NLGN1: variants seen among roughly 807,000 people sequenced by gnomAD.
The protein encoded by NLGN1 is neuroligin 1, also known as neuroligin-1.
NLGN1 carries 12 observed loss-of-function variants against 65.5 expected under a neutral mutation model. The observed-to-expected ratio is 0.18, with a 90% CI of 0.12 to 0.30. The LOEUF (loss-of-function observed/expected upper bound fraction) is 0.30, where lower values mean the gene tolerates loss of function less well. Ranked by LOEUF, NLGN1 falls within the 10% of genes least tolerant of loss-of-function variation. NLGN1 has a pLI of 1.00. For synonymous variants in NLGN1, 350 were observed against 359.5 expected (o/e 0.97, Z 0.30); for missense variants, 750 against 1,007.1 (o/e 0.74, Z 3.46).
the NLGN1 span, among the ~76,000 whole-genome samples, chr3:174,293,851 T>C: frequency 6.6e-6 from 1 of 151,656 alleles, no homozygotes; most frequent in Non-Finnish European, 1.5e-5. Flanking sequence ...TTTTACAATT[T>C]TTTTTGCTAA....
chr3:173,556,329 T>C (rs1346018397), intron 2 of NLGN1, among the ~76,000 whole-genome samples: 1 of 152,206 alleles, frequency 6.6e-6, no homozygotes, highest in Admixed American at 6.5e-5. Context: ...TTCTAACTTA[T>C]TGATTCTAGC....
At chr3:173,710,878 G>T (rs1452926943) in intron 3 of NLGN1, among the ~76,000 whole-genome samples, 1 of 152,182 alleles carries the variant, frequency 6.6e-6, no homozygotes, top group African/African-American at 2.4e-5. Flanking sequence ...ACAGATTTCT[G>T]TGGTGACCTG....
intron 2 of NLGN1, among the ~76,000 whole-genome samples, chr3:173,516,139 A>T (rs1293543606): frequency 6.6e-6 from 1 of 152,082 alleles, no homozygotes; most frequent in African/African-American, 2.4e-5. Context: ...GCTTCTAAAA[A>T]TATGCTGATG....
intron 2 of NLGN1, among the ~76,000 whole-genome samples, chr3:173,531,223 G>A (rs1221537053): frequency 2.6e-5 from 4 of 151,974 alleles, no homozygotes; most frequent in Non-Finnish European, 5.9e-5. Flanking sequence ...ATACTTTGAT[G>A]CCAAGAAAAT....
intron 4 of NLGN1, among the ~76,000 whole-genome samples, chr3:174,201,373 A>G (rs1045930812): frequency 8.3e-5 from 10 of 120,642 alleles, no homozygotes; most frequent in African/African-American, 4.0e-4. Context: ...GAAGGAAGGA[A>G]GGAAAGAAGG....
chr3:173,825,961 C>T (rs527537459), intron 4 of NLGN1, among the ~76,000 whole-genome samples: 1 of 151,870 alleles, frequency 6.6e-6, no homozygotes, highest in East Asian at 1.9e-4. Flanking sequence ...CAATTAAAAT[C>T]GTGGCTCATA....
At chr3:173,658,734 A>G (rs1560119310) in intron 3 of NLGN1, among the ~76,000 whole-genome samples, 1 of 151,950 alleles carries the variant, frequency 6.6e-6, no homozygotes, top group Non-Finnish European at 1.5e-5. Flanking sequence ...TCCTGTTTCA[A>G]GGGTATGTAG....
chr3:173,838,859 T>G (rs1412896153), intron 4 of NLGN1, among the ~76,000 whole-genome samples: 3 of 152,212 alleles, frequency 2.0e-5, no homozygotes, highest in Non-Finnish European at 2.9e-5. Context: ...AATAAAAATA[T>G]GATGAGCAAG....
chr3:173,729,960 G>T (rs1772499790), intron 3 of NLGN1, among the ~76,000 whole-genome samples: 1 of 151,882 alleles, frequency 6.6e-6, no homozygotes, highest in Non-Finnish European at 1.5e-5. Context: ...GAATAGGTCA[G>T]TGAGGCAGAA....
chr3:173,427,534 A>G (rs185777141), intron 1 of NLGN1, among the ~76,000 whole-genome samples: 157 of 151,920 alleles, frequency 1.0e-3, no homozygotes, highest in African/African-American at 1.0e-3. Flanking sequence ...GTTTCAAGGA[A>G]TTTCAAAATT....
intron 4 of NLGN1, among the ~76,000 whole-genome samples, chr3:173,952,950 T>C (rs1433965803): frequency 1.3e-5 from 2 of 152,044 alleles, no homozygotes; most frequent in Non-Finnish European, 2.9e-5. Context: ...GGCTAATTTT[T>C]GTATCTTTAG....
At chr3:173,997,024 A>G (rs1722409098) in intron 4 of NLGN1, among the ~76,000 whole-genome samples, 2 of 152,118 alleles carry the variant, frequency 1.3e-5, no homozygotes, top group Non-Finnish European at 2.9e-5. Context: ...GAGTAAATCA[A>G]TTTAGTGGGT....
At chr3:174,128,110 C>T (rs768012792) in intron 4 of NLGN1, among the ~76,000 whole-genome samples, 1 of 152,066 alleles carries the variant, frequency 6.6e-6, no homozygotes, top group Non-Finnish European at 1.5e-5. Context: ...GCTACGAAAC[C>T]TCCTAATTTT....
intron 4 of NLGN1, among the ~76,000 whole-genome samples, chr3:174,069,342 T>C (rs961241336): frequency 8.5e-5 from 13 of 152,152 alleles, no homozygotes; most frequent in African/African-American, 2.9e-4. Flanking sequence ...ATTACCAAAG[T>C]AGTGTTTTGG....
At chr3:173,416,247 A>C (rs1430823066) in intron 1 of NLGN1, among the ~76,000 whole-genome samples, 3 of 152,166 alleles carry the variant, frequency 2.0e-5, no homozygotes, top group Non-Finnish European at 4.4e-5. Flanking sequence ...AAACTGAATA[A>C]CCTCATGCAA....
intron 4 of NLGN1, among the ~76,000 whole-genome samples, chr3:174,058,620 C>T (rs1736700079): frequency 6.6e-6 from 1 of 151,948 alleles, no homozygotes; most frequent in Non-Finnish European, 1.5e-5. Flanking sequence ...GAATTTGTAT[C>T]ATAAATCAAT....
At chr3:173,454,479 G>A (rs894685254) in intron 2 of NLGN1, among the ~76,000 whole-genome samples, 2 of 152,208 alleles carry the variant, frequency 1.3e-5, no homozygotes, top group African/African-American at 4.8e-5. Flanking sequence ...CAGGCTTACT[G>A]TAGCCACCTT....
At chr3:173,490,858 T>C (rs868111403) in intron 2 of NLGN1, among the ~76,000 whole-genome samples, 8 of 152,060 alleles carry the variant, frequency 5.3e-5, no homozygotes, top group Non-Finnish European at 1.2e-4. Flanking sequence ...TTGAAGCAAT[T>C]GTGAATGGGA....
chr3:174,023,847 G>A (rs145690679), intron 4 of NLGN1, among the ~76,000 whole-genome samples: 2 of 152,290 alleles, frequency 1.3e-5, no homozygotes, highest in East Asian at 1.9e-4. Context: ...GTCAGCAGCT[G>A]TGGATTTTAT....
Sources: gnomAD v4.1 joint callset for allele counts (sites outside exome capture counted in the v4.1 genomes callset) on GRCh38, gnomAD v4.1.1 for gene constraint, MANE v1.5 for transcripts, NCBI Gene and HGNC (gene_info 2026-07-23, HGNC 2026-07-21) for gene names.